LCE2C: variants seen among roughly 807,000 people sequenced by gnomAD.
The protein encoded by LCE2C is late cornified envelope protein 2C.
For missense variants in LCE2C, 179 were observed against 141.3 expected (o/e 1.27, Z -1.35); for synonymous variants, 57 against 51.0 (o/e 1.12, Z -0.50).
rs200801335 is a variant in LCE2C, at chr1:152,676,290, G to C, written c.275G>C (p.Cys92Ser). Residue 92 changes from cysteine to serine, a missense_variant, in exon 2 of 2, where the codon TGT (cysteine) becomes TCT (serine). By Grantham distance (112) the Cys-to-Ser change is moderately radical. Transcript: ENST00000368783. ...CGCCGGCACCAGAGCCCCGACTGCT[G>C]TGAGAGTGAACCTTCTGGGGGCTCT... ...HRRRHQSPDC[C>S]ESEPSGGSGC... The C allele has an allele frequency of 1.3e-5, 21 of 1,613,806 alleles. 1 individual carries two copies. Among genetic ancestry groups the C allele is most frequent in the Admixed American group, 1.2e-4 (7 of 60,000 alleles).
chr1:152,676,497 T>C lies in LCE2C; in HGVS notation c.*149T>C. On this transcript the variant is annotated 3_prime_UTR_variant, in exon 2 of 2. Transcript: ENST00000368783. ...TTTCCTGGAAGAACTTCGTGCTTGATGTAACACCCCAATTGCAAGTCTTCT... is the reference window on the plus strand; with the variant it reads ...TTTCCTGGAAGAACTTCGTGCTTGACGTAACACCCCAATTGCAAGTCTTCT... The C allele has an allele frequency of 9.4e-7, 1 of 1,066,428 alleles. No individual in the cohort carries two copies. Among genetic ancestry groups the C allele is most frequent in the Non-Finnish European group, 1.3e-6 (1 of 749,648 alleles). The allele number at this position is 1,066,428 out of a possible 1,614,324, so 66.1% of individuals were successfully genotyped here. A position where few individuals can be genotyped will look rare whatever the true frequency, so the allele number is the denominator to read the frequency against.
intron 1 of LCE2C, 135 bp from the exon 2 acceptor site, chr1:152,675,860 G>A (rs1571070160): frequency 9.4e-7 from 1 of 1,061,702 alleles, no homozygotes. Context: ...AAAGATTCAA[G>A]TTGTTTCTTT....
In LCE2C at chr1:152,676,488, C is replaced by G. The variant is rs867398633; in HGVS notation, c.*140C>G. 1.5e-5 allele frequency: 19 copies of G among 1,241,922 alleles called. 1 individual carries two copies. The highest frequency in any genetic ancestry group is 2.8e-4 in the Middle Eastern group (1 of 3,618). 76.9% of individuals were successfully genotyped at this position (1,241,922 alleles called of 1,614,324 possible). Reference sequence around the variant, plus strand: ...TCATGGGGCTTTCCTGGAAGAACTTCGTGCTTGATGTAACACCCCAATTGC... The same window carrying G: ...TCATGGGGCTTTCCTGGAAGAACTTGGTGCTTGATGTAACACCCCAATTGC... On this transcript the variant is annotated 3_prime_UTR_variant, in exon 2 of 2. Transcript: ENST00000368783.
chr1:152,675,464 C>T (rs1193003241), intron 1 of LCE2C, 136 bp downstream of exon 1: 1 of 155,986 alleles, frequency 6.4e-6, no homozygotes, highest in Non-Finnish European at 1.4e-5. Flanking sequence ...TGCCTCGAAT[C>T]TGTTGAGGCT....
chr1:152,676,371 G>T lies in LCE2C; in HGVS notation c.*23G>T, dbSNP rs763190146. ...TGACCTGGGCTACAGAAGAGCTCTT[G>T]GGACTGAATGGCCAAGAACCTGCTA... On this transcript the variant is annotated 3_prime_UTR_variant, in exon 2 of 2. Coordinates refer to ENST00000368783, the MANE Select transcript of LCE2C (RefSeq NM_178429.5). 3 of 1,580,544 alleles carry T rather than the reference G, an allele frequency of 1.9e-6. No individual in the cohort carries two copies. The highest frequency in any genetic ancestry group is 2.4e-5 in the South Asian group (2 of 84,994).
In LCE2C at chr1:152,676,175, A is replaced by G. The variant is rs74477310; in HGVS notation, c.160A>G (p.Ser54Gly). The G allele has an allele frequency of 9.4e-5, 152 of 1,613,556 alleles. No homozygotes were observed. Among genetic ancestry groups the G allele is most frequent in the Non-Finnish European group, 1.2e-4 (137 of 1,179,892 alleles). Reference protein sequence around the residue: ...VSSCCGPSSGSCCGPSSGGCC... With the variant: ...VSSCCGPSSGGCCGPSSGGCC... ...TTCTTGCTGTGGTCCCAGCTCTGGG[A>G]GCTGCTGTGGTCCCAGCTCTGGGGG... The change falls in exon 2 of 2, where the codon AGC becomes GGC. Residue 54 changes from serine (S) to glycine (G), a missense_variant. By Grantham distance (56) the Ser-to-Gly change is moderately conservative. Coordinates refer to ENST00000368783, the MANE Select transcript of LCE2C (RefSeq NM_178429.5).
chr1:152,676,547 A>G lies in LCE2C; in HGVS notation c.*199A>G, dbSNP rs546832011. 2,712 of 685,458 alleles carry G rather than the reference A, an allele frequency of 4.0e-3. 16 individuals carry two copies. Among genetic ancestry groups the G allele is most frequent in the Non-Finnish European group, 3.2e-3 (1,325 of 414,542 alleles). 42.5% of individuals were successfully genotyped at this position (685,458 alleles called of 1,614,324 possible). On this transcript the variant is annotated 3_prime_UTR_variant, in exon 2 of 2. Coordinates refer to ENST00000368783, the MANE Select transcript of LCE2C (RefSeq NM_178429.5). The stretch of plus-strand genomic sequence containing the variant: ...TTTTCCTCCTTTACCTCATGTTATA[A>G]TAAAGCTCTGATCTCTGACTCACTA...
In LCE2C at chr1:152,676,129, T is replaced by A. The variant is rs748568686; in HGVS notation, c.114T>A (p.Ala38=). Reference sequence around the variant, plus strand: ...CCAAATGCCCACCACAGTGCCCAGCTCCATGTTTCCCTGCAGTCTCTTCTT... The same window carrying A: ...CCAAATGCCCACCACAGTGCCCAGCACCATGTTTCCCTGCAGTCTCTTCTT... ...CPPKCPPQCP[A]PCFPAVSSCC... Residue 38 remains alanine, a synonymous_variant, in exon 2 of 2, where the codon GCT becomes GCA. Transcript: ENST00000368783. The A allele has an allele frequency of 1.9e-6, 3 of 1,613,990 alleles. No individual in the cohort carries two copies. In the Admixed American group the frequency reaches 5.0e-5, roughly 27 times the overall value.
intron 1 of LCE2C, 57 bp from the exon 2 acceptor site, chr1:152,675,938 A>G (rs1648834066): frequency 1.3e-6 from 2 of 1,510,916 alleles, no homozygotes; most frequent in Non-Finnish European, 1.8e-6. Flanking sequence ...ATTTTAGAAG[A>G]GGTATAATAT....
chr1:152,676,505 C>T lies in LCE2C; in HGVS notation c.*157C>T, dbSNP rs1648858241. 1.0e-6 allele frequency: 1 copy of T among 970,044 alleles called. No individual in the cohort carries two copies. 60.1% of individuals were successfully genotyped at this position (970,044 alleles called of 1,614,324 possible). On this transcript the variant is annotated 3_prime_UTR_variant, in exon 2 of 2. Transcript: ENST00000368783. ...AAGAACTTCGTGCTTGATGTAACACCCCAATTGCAAGTCTTCTTTTCCTCC... is the reference window on the plus strand; with the variant it reads ...AAGAACTTCGTGCTTGATGTAACACTCCAATTGCAAGTCTTCTTTTCCTCC...
intron 1 of LCE2C, among the ~76,000 whole-genome samples, chr1:152,675,598 G>C (rs1648825573): frequency 6.6e-6 from 1 of 152,188 alleles, no homozygotes; most frequent in Non-Finnish European, 1.5e-5. Context: ...TTACACCATG[G>C]AAACTGGCAA....
chr1:152,675,939 G>A (rs1400408681), intron 1 of LCE2C, 56 bp from the exon 2 acceptor site: 3 of 1,533,270 alleles, frequency 2.0e-6, no homozygotes, highest in Non-Finnish European at 2.7e-6. Context: ...TTTTAGAAGA[G>A]GTATAATATG....
In LCE2C at chr1:152,676,330, C is replaced by A. The variant is rs1336586950; in HGVS notation, c.315C>A (p.Ser105Arg). 1 of 1,611,468 alleles carries A rather than the reference C, an allele frequency of 6.2e-7. No homozygotes were observed. The stretch of plus-strand genomic sequence containing the variant: ...CTGGGGGCTCTGGCTGCTGCCACAG[C>A]TCTGGGGGCTGCTGCTGACCTGGGC... ...EPSGGSGCCHSSGGCC is the reference protein window; with the variant it reads ...EPSGGSGCCHRSGGCC Residue 105 changes from serine to arginine, a missense_variant, in exon 2 of 2, where the codon AGC becomes AGA. Physicochemically the swap from Ser to Arg is moderately radical, Grantham distance 110. Coordinates refer to ENST00000368783, the MANE Select transcript of LCE2C (RefSeq NM_178429.5).
Position 152,676,029 on chromosome 1 carries a change from A to G in LCE2C, c.14A>G (p.Gln5Arg). 6.2e-7 allele frequency: 1 copy of G among 1,614,190 alleles called. No individual in the cohort carries two copies. The highest frequency in any genetic ancestry group is 1.3e-5 in the African/African-American group (1 of 75,062). The change falls in exon 2 of 2, where the codon CAA becomes CGA. Residue 5 changes from glutamine (Q) to arginine (R), a missense_variant. Transcript: ENST00000368783. MSCQ[Q>R]NQQQCQPPPK... ...ACTCCTGCCAGCATGTCTTGCCAGC[A>G]AAACCAGCAGCAGTGCCAGCCCCCT... is the stretch of plus-strand genomic sequence containing the variant.
Position 152,676,115 on chromosome 1 carries a change from C to A in LCE2C, c.100C>A (p.Pro34Thr). The A allele has an allele frequency of 6.2e-7, 1 of 1,614,198 alleles. No homozygotes were observed. The change falls in exon 2 of 2, where the codon CCA becomes ACA. Residue 34 changes from proline (P) to threonine (T), a missense_variant. Coordinates refer to ENST00000368783, the MANE Select transcript of LCE2C (RefSeq NM_178429.5). Reference sequence around the variant, plus strand: ...ACCTAAGTGTCCCCCCAAATGCCCACCACAGTGCCCAGCTCCATGTTTCCC... The same window carrying A: ...ACCTAAGTGTCCCCCCAAATGCCCAACACAGTGCCCAGCTCCATGTTTCCC... ...CPPKCPPKCP[P>T]QCPAPCFPAV...
In LCE2C at chr1:152,676,259, C is replaced by T. The variant is rs976929195; in HGVS notation, c.244C>T (p.His82Tyr). 5.0e-6 allele frequency: 8 copies of T among 1,613,836 alleles called. No homozygotes were observed. The Admixed American group carries it at 8.3e-5, about 17-fold the overall frequency. Residue 82 changes from histidine to tyrosine, a missense_variant, in exon 2 of 2, where the codon CAC becomes TAC. Transcript: ENST00000368783. ...GAGCCACCACAGGCCCCGTCTCTTC[C>T]ACCGGCGCCGGCACCAGAGCCCCGA... ...SLSHHRPRLF[H>Y]RRRHQSPDCC... is the part of the protein sequence containing the mutation.
Position 152,676,168 on chromosome 1 carries a change from C to T in LCE2C, c.153C>T (p.Ser51=). ...FPAVSSCCGP[S]SGSCCGPSSG... ...CAGTCTCTTCTTGCTGTGGTCCCAG[C>T]TCTGGGAGCTGCTGTGGTCCCAGCT... The change falls in exon 2 of 2, where the codon AGC becomes AGT. Residue 51 remains serine (S), a synonymous_variant. Coordinates refer to ENST00000368783, the MANE Select transcript of LCE2C (RefSeq NM_178429.5). 3 of 1,613,946 alleles carry T rather than the reference C, an allele frequency of 1.9e-6. No homozygotes were observed. The highest frequency in any genetic ancestry group is 2.2e-5 in the East Asian group (1 of 44,858).
intron 1 of LCE2C, 75 bp from the exon 2 acceptor site, chr1:152,675,920 A>G (rs1398727613): frequency 7.7e-6 from 11 of 1,427,590 alleles, no homozygotes; most frequent in South Asian, 1.3e-5. Flanking sequence ...TCTTCTACAC[A>G]TGCATTGATT....
rs1351887132 is a variant in LCE2C at position 152,676,529 on chromosome 1, C to T, written c.*181C>T. ...CCCCAATTGCAAGTCTTCTTTTCCTCCTTTACCTCATGTTATAATAAAGCT... is the reference window on the plus strand; with the variant it reads ...CCCCAATTGCAAGTCTTCTTTTCCTTCTTTACCTCATGTTATAATAAAGCT... On this transcript the variant is annotated 3_prime_UTR_variant, in exon 2 of 2. Transcript: ENST00000368783. 5.3e-6 allele frequency: 4 copies of T among 756,548 alleles called. No homozygotes were observed. The highest frequency in any genetic ancestry group is 8.4e-6 in the Non-Finnish European group (4 of 474,804). The allele number at this position is 756,548 out of a possible 1,614,324, so 46.9% of individuals were successfully genotyped here.
Sources: allele counts gnomAD v4.1 joint callset (sites outside exome capture counted in the v4.1 genomes callset), GRCh38; gene constraint gnomAD v4.1.1; transcripts MANE v1.5; gene names NCBI Gene and HGNC (gene_info 2026-07-23, HGNC 2026-07-21).